The following ATP13A4 variants were observed in gnomAD, a reference collection of about 807,000 sequenced individuals.
ATP13A4 encodes probable cation-transporting ATPase 13A4.
A neutral mutation model predicts 142.5 loss-of-function variants in ATP13A4; 114 were observed. The ratio of observed to expected loss-of-function variants is 0.80; its 90% CI spans 0.69 to 0.93. The LOEUF (loss-of-function observed/expected upper bound fraction) is 0.93, where lower values mean the gene tolerates loss of function less well. Ranked by LOEUF, ATP13A4 falls within the 40% of genes least tolerant of loss-of-function variation. The pLI is 0.00. For synonymous variants in ATP13A4, 488 were observed against 514.8 expected (o/e 0.95, Z 0.70); for missense variants, 1,392 against 1,454.0 (o/e 0.96, Z 0.69).
chr3:193,414,653 A>G lies in ATP13A4; in HGVS notation c.2940T>C (p.Leu980=). The G allele has an allele frequency of 6.2e-7, 1 of 1,614,160 alleles. No homozygotes were observed. Among genetic ancestry groups the G allele is most frequent in the Non-Finnish European group, 8.5e-7 (1 of 1,180,020 alleles). ...PLLLSVIFNI[L]LSLAMHIAGF... ...CTGCAATATGCATGGCCAGGCTGAG[A>G]AGAATGTTGAAAATCACAGAGAGTA... The change falls in exon 26 of 30, where the codon CTT becomes CTC. Residue 980 remains leucine (L), a synonymous_variant. Coordinates refer to ENST00000342695, the MANE Select transcript of ATP13A4 (RefSeq NM_032279.4).
chr3:193,516,323 A>C (rs866070385), intron 1 of ATP13A4, among the ~76,000 whole-genome samples: 6 of 152,232 alleles, frequency 3.9e-5, no homozygotes, highest in South Asian at 2.1e-4. Context: ...CAGGTGCCGA[A>C]TGGCTTTCTT....
intron 2 of ATP13A4, among the ~76,000 whole-genome samples, chr3:193,576,249 C>CTTTTTTTTTTTTTTTTTTTTTT (rs59910562): frequency 1.8e-5 from 1 of 54,364 alleles, no homozygotes; most frequent in Non-Finnish European, 3.3e-5. Flanking sequence ...TTGAATCAAT[C>CTTTTTTTTTTTTTTTTTTTTTT]TTTTTTTTTT....
chr3:193,483,350 G>A (rs1283065433), intron 8 of ATP13A4, among the ~76,000 whole-genome samples: 1 of 152,144 alleles, frequency 6.6e-6, no homozygotes, highest in African/African-American at 2.4e-5. Context: ...TGAGGATTAT[G>A]ATAGTTTCAT....
intron 2 of ATP13A4, among the ~76,000 whole-genome samples, chr3:193,575,182 C>T (rs139563571): frequency 1.3e-5 from 2 of 152,254 alleles, no homozygotes; most frequent in East Asian, 3.9e-4. Flanking sequence ...GGTTGTTAGT[C>T]ATGCAGCAAT....
At chr3:193,515,930 A>G (rs1721387630) in intron 1 of ATP13A4, among the ~76,000 whole-genome samples, 1 of 152,216 alleles carries the variant, frequency 6.6e-6, no homozygotes, top group Non-Finnish European at 1.5e-5. Context: ...TTTTCAGTAC[A>G]TTATTTAACC....
At chr3:193,456,157 C>A (rs893329910) in intron 16 of ATP13A4, among the ~76,000 whole-genome samples, 1 of 152,004 alleles carries the variant, frequency 6.6e-6, no homozygotes, top group Non-Finnish European at 1.5e-5. Context: ...TGCACATGTA[C>A]CACTGAACTT....
At chr3:193,442,839 C>T (rs981186797) in intron 18 of ATP13A4, among the ~76,000 whole-genome samples, 1 of 152,206 alleles carries the variant, frequency 6.6e-6, no homozygotes, top group Non-Finnish European at 1.5e-5. Flanking sequence ...TTGTTAGCAG[C>T]TTTGCAAATG....
In ATP13A4 at chr3:193,459,188, A is replaced by G. The variant is rs1717808323; in HGVS notation, c.1567T>C (p.Trp523Arg). The G allele has an allele frequency of 1.9e-6, 3 of 1,614,262 alleles. No individual in the cohort carries two copies. The highest frequency in any genetic ancestry group is 1.6e-4 in the Middle Eastern group (1 of 6,062). The change falls in exon 14 of 30, where the codon TGG (tryptophan) becomes CGG (arginine). Residue 523 changes from tryptophan to arginine, a missense_variant. Physicochemically the swap from Trp to Arg is moderately radical, Grantham distance 101. Transcript: ENST00000342695. ...GCCATCGCTGCACACAGTGGGCCCC[A>G]TGGCAAAGCCTGGCCTGAGGCAAAG... ...HSFASGQALP[W>R]GPLCAAMASC...
At chr3:193,520,894 T>C (rs1577046541) in intron 1 of ATP13A4, among the ~76,000 whole-genome samples, 1 of 152,144 alleles carries the variant, frequency 6.6e-6, no homozygotes, top group East Asian at 1.9e-4. Flanking sequence ...TTCCCAGCTT[T>C]GGAATGTCAC....
chr3:193,407,381 G>A lies in ATP13A4; in HGVS notation c.3310C>T (p.Pro1104Ser). The change falls in exon 29 of 30, where the codon CCC becomes TCC. Residue 1104 changes from proline to serine, a missense_variant. Physicochemically the swap from Pro to Ser is moderately conservative, Grantham distance 74. Transcript: ENST00000342695. ...ACAATGGAGGCCCTCCACAGGACGG[G>A]AGTGCAGAGCAGCTGGCGGGAGATG... ...LYRRLDLLCT[P>S]VLWRASIVIM... The A allele has an allele frequency of 1.2e-6, 2 of 1,613,240 alleles. No individual in the cohort carries two copies. Among genetic ancestry groups the A allele is most frequent in the Non-Finnish European group, 1.7e-6 (2 of 1,179,310 alleles).
At chr3:193,426,638 T>C (rs1392547382) in intron 25 of ATP13A4, among the ~76,000 whole-genome samples, 1 of 151,816 alleles carries the variant, frequency 6.6e-6, no homozygotes, top group Non-Finnish European at 1.5e-5. Context: ...GGTGCTAACA[T>C]GAGGAAATAC....
chr3:193,487,224 G>A (rs534938048), intron 7 of ATP13A4, among the ~76,000 whole-genome samples: 28 of 152,174 alleles, frequency 1.8e-4, no homozygotes, highest in African/African-American at 6.3e-4. Context: ...GAGGTTTAGC[G>A]ATATCGGTAC....
At chr3:193,463,168 C>G (rs1211856966) in intron 12 of ATP13A4, among the ~76,000 whole-genome samples, 1 of 152,118 alleles carries the variant, frequency 6.6e-6, no homozygotes, top group East Asian at 1.9e-4. Flanking sequence ...AGTTGTCTAA[C>G]AAGCTGGCAC....
At chr3:193,447,585 T>A (rs1451990914) in intron 18 of ATP13A4, among the ~76,000 whole-genome samples, 2 of 152,206 alleles carry the variant, frequency 1.3e-5, no homozygotes, top group African/African-American at 4.8e-5. Context: ...CCTCGTCTCT[T>A]TCCCAATTAA....
intron 2 of ATP13A4, among the ~76,000 whole-genome samples, chr3:193,566,836 G>T (rs957056390): frequency 5.9e-5 from 9 of 152,106 alleles, no homozygotes; most frequent in African/African-American, 1.9e-4. Flanking sequence ...GCACACATAT[G>T]TTAAAAATGA....
At chr3:193,415,021 T>A (rs908100824) in intron 25 of ATP13A4, among the ~76,000 whole-genome samples, 3 of 152,182 alleles carry the variant, frequency 2.0e-5, no homozygotes, top group Non-Finnish European at 4.4e-5. Context: ...AAATATACTC[T>A]CTCATATATT....
At chr3:193,527,642 C>A (rs112039738) in intron 1 of ATP13A4, among the ~76,000 whole-genome samples, 1 of 151,828 alleles carries the variant, frequency 6.6e-6, no homozygotes, top group Non-Finnish European at 1.5e-5. Flanking sequence ...GCACTTCCCC[C>A]CTCCCCTGCC....
At chr3:193,519,657 T>TTTA (rs1721610443) in intron 1 of ATP13A4, among the ~76,000 whole-genome samples, 3 of 102,462 alleles carry the variant, frequency 2.9e-5, no homozygotes, top group African/African-American at 4.2e-5. Context: ...TTTTTTTTTT[T>TTTA]AGACAGAATC....
intron 2 of ATP13A4, among the ~76,000 whole-genome samples, chr3:193,571,231 A>T (rs1364825206): frequency 7.0e-6 from 1 of 142,814 alleles, no homozygotes; most frequent in East Asian, 2.1e-4. Context: ...GTGAGCCGAG[A>T]TTGCGTTACT....
Sources: gnomAD v4.1 joint callset for allele counts (sites outside exome capture counted in the v4.1 genomes callset) on GRCh38, gnomAD v4.1.1 for gene constraint, MANE v1.5 for transcripts, NCBI Gene and HGNC (gene_info 2026-07-23, HGNC 2026-07-21) for gene names.